Variants in B3GALNT1 observed in about 807,000 individuals in gnomAD.
B3GALNT1 encodes the protein UDP-GalNAc:beta-1,3-N-acetylgalactosaminyltransferase 1.
In B3GALNT1, 17 loss-of-function variants were observed where a neutral mutation model predicts 27.3. The observed-to-expected ratio is 0.62, with a 90% CI of 0.43 to 0.94. B3GALNT1 has a LOEUF of 0.94. Among genes scored for constraint, B3GALNT1 ranks in the 40% least tolerant of loss-of-function variants. B3GALNT1 has a pLI of 0.00. For missense variants in B3GALNT1, 347 were observed against 390.0 expected, an observed-to-expected ratio of 0.89 and a Z score of 0.93; for synonymous variants, 141 against 144.0, an observed-to-expected ratio of 0.98 and a Z score of 0.15.
chr3:161,102,467 G>GT (rs1456445078), intron 3 of B3GALNT1, among the ~76,000 whole-genome samples: 1 of 152,036 alleles, frequency 6.6e-6, no homozygotes, highest in Non-Finnish European at 1.5e-5. Flanking sequence ...ACAAACTGCC[G>GT]TATTTCTAGC....
chr3:161,100,801 T>C (rs2108448943), intron 4 of B3GALNT1, among the ~76,000 whole-genome samples: 1 of 152,152 alleles, frequency 6.6e-6, no homozygotes, highest in South Asian at 2.1e-4. Context: ...TCTTAATAAT[T>C]TGCAATACAT....
intron 4 of B3GALNT1, among the ~76,000 whole-genome samples, chr3:161,090,355 T>A (rs1466651502): frequency 6.6e-6 from 1 of 152,124 alleles, no homozygotes; most frequent in African/African-American, 2.4e-5. Flanking sequence ...GATATGAATG[T>A]TTCAAATAAT....
intron 4 of B3GALNT1, among the ~76,000 whole-genome samples, chr3:161,095,704 G>A (rs1383998543): frequency 2.0e-5 from 3 of 152,236 alleles, no homozygotes; most frequent in Non-Finnish European, 4.4e-5. Flanking sequence ...TATAGGCCAG[G>A]GAGTGCAGCT....
In B3GALNT1 at chr3:161,086,799, T is replaced by C. The variant is rs757072518; in HGVS notation, c.-34-11A>G. The C allele has an allele frequency of 5.0e-6, 8 of 1,607,648 alleles. No homozygotes were observed. The South Asian group carries it at 8.9e-5, about 18-fold the overall frequency. On this transcript the variant is annotated splice_polypyrimidine_tract_variant and intron_variant, in intron 4 of 4. Transcript: ENST00000320474. Reference sequence around the variant, plus strand: ...CGCGAGCCGAAGGTTCTGGAAGAGTTATCAAAGATTGGGTTAATATTCCAC... The same window carrying C: ...CGCGAGCCGAAGGTTCTGGAAGAGTCATCAAAGATTGGGTTAATATTCCAC...
intron 4 of B3GALNT1, among the ~76,000 whole-genome samples, chr3:161,096,815 C>A (rs1052113802): frequency 6.6e-6 from 1 of 152,214 alleles, no homozygotes. Flanking sequence ...GTGGTTCTCA[C>A]TTTGCGGCAC....
At chr3:161,101,340 G>A in intron 3 of B3GALNT1, 107 bp from the exon 4 acceptor site, 3 of 572,420 alleles carry the variant, frequency 5.2e-6, no homozygotes, top group Non-Finnish European at 5.9e-6. Flanking sequence ...TCCACTGGAG[G>A]AAGAGTATCG....
At chr3:161,098,813 G>C (rs1318975757) in intron 4 of B3GALNT1, among the ~76,000 whole-genome samples, 1 of 152,166 alleles carries the variant, frequency 6.6e-6, no homozygotes, top group Non-Finnish European at 1.5e-5. Context: ...GAACACTTAT[G>C]ACACAAACAC....
intron 4 of B3GALNT1, chr3:161,090,020 G>A: frequency 4.4e-6 from 1 of 227,106 alleles, no homozygotes; most frequent in East Asian, 1.6e-4. Flanking sequence ...AGTGAGCTGA[G>A]ATCCTGCCAC....
intron 4 of B3GALNT1, among the ~76,000 whole-genome samples, chr3:161,097,205 T>C (rs1423862720): frequency 6.6e-6 from 1 of 152,192 alleles, no homozygotes; most frequent in Admixed American, 6.5e-5. Context: ...ATCTGTAAAA[T>C]GGGAGCAATA....
Position 161,085,935 on chromosome 3 carries a change from A to G in B3GALNT1, c.820T>C (p.Leu274=). 6.2e-7 allele frequency: 1 copy of G among 1,609,016 alleles called. No homozygotes were observed. Among genetic ancestry groups the G allele is most frequent in the Non-Finnish European group, 8.5e-7 (1 of 1,177,530 alleles). The change falls in exon 5 of 5, where the codon TTG becomes CTG. Residue 274 remains leucine (L), a synonymous_variant. Coordinates refer to ENST00000320474, the MANE Select transcript of B3GALNT1 (RefSeq NM_003781.4). ...TGAATGTTCACTTTTAATAAATTCA[A>G]ACAGATCCCGACATAAACATCTTCA... ...KFEDVYVGIC[L]NLLKVNIHIP... is the part of the protein sequence containing the mutation.
At chr3:161,098,966 C>G (rs1029437239) in intron 4 of B3GALNT1, among the ~76,000 whole-genome samples, 3 of 152,238 alleles carry the variant, frequency 2.0e-5, no homozygotes, top group Non-Finnish European at 4.4e-5. Flanking sequence ...GTAAAGAGAG[C>G]TGGACACTTA....
chr3:161,094,770 C>CA lies in B3GALNT1; in HGVS notation c.-35+6368dup, dbSNP rs199659597. ...TCACAGGCACAATTATTTTGCACTG[C>CA]AGACTCAAACTCCTGGCCTCAAGTG... On this transcript the variant is annotated intron_variant, in intron 4 of 4. Coordinates refer to ENST00000320474, the MANE Select transcript of B3GALNT1 (RefSeq NM_003781.4). Among the ~76,000 whole-genome samples the CA allele has an allele frequency of 7.6e-3, 1,153 of 152,170 alleles. 15 individuals are homozygous for CA. The highest frequency in any genetic ancestry group is 0.026 in the African/African-American group (1,099 of 41,514).
chr3:161,105,171 C>A (rs1733689867), intron 1 of B3GALNT1, 64 bp downstream of exon 1: 1 of 152,368 alleles, frequency 6.6e-6, no homozygotes, highest in South Asian at 2.1e-4. Context: ...GGTGGCTATA[C>A]CCTCCACCCA....
chr3:161,098,572 G>A (rs1357736534), intron 4 of B3GALNT1, among the ~76,000 whole-genome samples: 3 of 152,170 alleles, frequency 2.0e-5, no homozygotes, highest in African/African-American at 7.2e-5. Context: ...AATTAGCCAG[G>A]CATACTGGTG....
intron 4 of B3GALNT1, among the ~76,000 whole-genome samples, chr3:161,087,981 T>C (rs988724070): frequency 2.6e-5 from 4 of 151,974 alleles, no homozygotes; most frequent in Non-Finnish European, 5.9e-5. Flanking sequence ...TGAGGAAGGG[T>C]GGGCTGAGGA....
chr3:161,102,436 C>A (rs947797209), intron 3 of B3GALNT1, among the ~76,000 whole-genome samples: 1 of 152,182 alleles, frequency 6.6e-6, no homozygotes, highest in South Asian at 2.1e-4. Flanking sequence ...CATCTTCCTT[C>A]CCCATGCTGA....
At chr3:161,088,099 C>T (rs1722979180) in intron 4 of B3GALNT1, among the ~76,000 whole-genome samples, 3 of 152,098 alleles carry the variant, frequency 2.0e-5, no homozygotes, top group Admixed American at 2.0e-4. Context: ...GAAGGCTAGT[C>T]TACCAAGGGT....
At chr3:161,099,723 T>G (rs921482369) in intron 4 of B3GALNT1, among the ~76,000 whole-genome samples, 1 of 152,026 alleles carries the variant, frequency 6.6e-6, no homozygotes, top group Non-Finnish European at 1.5e-5. Flanking sequence ...GCCTGGCACA[T>G]AGGAAGCACT....
rs1307378840 is a variant in B3GALNT1, at chr3:161,085,462, C to T, written c.*297G>A. On this transcript the variant is annotated 3_prime_UTR_variant, in exon 5 of 5. Coordinates refer to ENST00000320474, the MANE Select transcript of B3GALNT1 (RefSeq NM_003781.4). ...GCCTAGTGAGCTTATAACTCAGTAA[C>T]ACCCTTTTAAGAAATTCTAGTCTAC... The T allele has an allele frequency of 1.0e-5, 4 of 388,156 alleles. No homozygotes were observed. The highest frequency in any genetic ancestry group is 4.1e-5 in the Admixed American group (1 of 24,292). 24.0% of individuals were successfully genotyped at this position (388,156 alleles called of 1,614,324 possible). A position where few individuals can be genotyped will look rare whatever the true frequency, so the allele number is the denominator to read the frequency against.
Sources: gnomAD v4.1 joint callset for allele counts (sites outside exome capture counted in the v4.1 genomes callset) on GRCh38, gnomAD v4.1.1 for gene constraint, MANE v1.5 for transcripts, NCBI Gene and HGNC (gene_info 2026-07-23, HGNC 2026-07-21) for gene names.